COPG2: variants seen among roughly 807,000 people sequenced by gnomAD.
COPG2 encodes the protein coatomer subunit gamma-2.
In COPG2, 37 loss-of-function variants were observed where a neutral mutation model predicts 46.3. The observed-to-expected ratio is 0.80, with a 90% CI of 0.61 to 1.05. The LOEUF (loss-of-function observed/expected upper bound fraction) is 1.05. Ranked by LOEUF, COPG2 falls within the 50% of genes least tolerant of loss-of-function variation. The pLI is 0.00. For missense variants in COPG2, 427 were observed against 387.8 expected (o/e 1.10, Z -0.85); for synonymous variants, 159 against 129.7 (o/e 1.23, Z -1.53).
intron 9 of COPG2, among the ~76,000 whole-genome samples, chr7:130,580,042 A>G (rs1794101586): frequency 6.7e-6 from 1 of 150,214 alleles, no homozygotes; most frequent in Non-Finnish European, 1.5e-5. Context: ...CAGAATATAC[A>G]TTTTTTTCAG....
At chr7:130,607,717 T>G (rs150884896) in intron 9 of COPG2, 1 of 520,110 alleles carries the variant, frequency 1.9e-6, no homozygotes, top group Non-Finnish European at 3.8e-6. Context: ...TTTTCCAGGT[T>G]TTCCACTCTA....
chr7:130,634,941 G>A (rs1249381834), intron 5 of COPG2, among the ~76,000 whole-genome samples: 1 of 151,460 alleles, frequency 6.6e-6, no homozygotes, highest in African/African-American at 2.4e-5. Flanking sequence ...TTTTATCAAA[G>A]GCCTTTTCTG....
intron 5 of COPG2, among the ~76,000 whole-genome samples, chr7:130,638,762 C>A (rs1340838133): frequency 6.6e-6 from 1 of 151,642 alleles, no homozygotes; most frequent in Non-Finnish European, 1.5e-5. Context: ...GCATTCCAGG[C>A]GCCACTGAGG....
chr7:130,619,874 T>C (rs570289535), intron 5 of COPG2, among the ~76,000 whole-genome samples: 58 of 152,306 alleles, frequency 3.8e-4, no homozygotes, highest in African/African-American at 1.3e-3. Flanking sequence ...TCCCCATTCT[T>C]TTCTGACACT....
At chr7:130,515,493 C>T (rs916696821) in intron 20 of COPG2, among the ~76,000 whole-genome samples, 4 of 152,242 alleles carry the variant, frequency 2.6e-5, no homozygotes, top group Admixed American at 6.5e-5. Flanking sequence ...GATGACAGTT[C>T]GACATGAGAT....
In COPG2 at chr7:130,645,352, T is replaced by A; in HGVS notation, c.323+7517A>T. The A allele has an allele frequency of 5.3e-6, 3 of 563,962 alleles. No homozygotes were observed. In the Admixed American group the frequency reaches 5.7e-5, roughly 11 times the overall value. 34.9% of individuals were successfully genotyped at this position (563,962 alleles called of 1,614,324 possible). ...AGCACAGTTGCCTTCTACTACATTG[T>A]TAGATCTCAGGTATAGACATCTGCC... is the stretch of plus-strand genomic sequence containing the variant. On this transcript the variant is annotated intron_variant, in intron 5 of 23. Transcript: ENST00000425248.
chr7:130,526,287 C>G (rs1163758394), intron 20 of COPG2, among the ~76,000 whole-genome samples: 1 of 151,972 alleles, frequency 6.6e-6, no homozygotes, highest in African/African-American at 2.4e-5. Context: ...AAAGTTTGAG[C>G]GGTGAGGAGA....
At chr7:130,590,670 G>A (rs1299575793) in intron 9 of COPG2, among the ~76,000 whole-genome samples, 191 of 152,144 alleles carry the variant, frequency 1.3e-3, no homozygotes, top group East Asian at 6.4e-3. Context: ...CCTCTGCCCG[G>A]CCACCACCCC....
At chr7:130,560,148 A>G (rs2116400373) in intron 12 of COPG2, among the ~76,000 whole-genome samples, 1 of 152,312 alleles carries the variant, frequency 6.6e-6, no homozygotes, top group Non-Finnish European at 1.5e-5. Context: ...AGAACCAGTA[A>G]AAGTACTCAG....
intron 9 of COPG2, among the ~76,000 whole-genome samples, chr7:130,568,112 TA>T (rs1371650597): frequency 6.6e-6 from 1 of 152,034 alleles, no homozygotes; most frequent in African/African-American, 2.4e-5. Context: ...CTGTCTCTAC[TA>T]AAAATACAAA....
At chr7:130,543,782 G>A (rs1341292595) in intron 20 of COPG2, among the ~76,000 whole-genome samples, 1 of 152,190 alleles carries the variant, frequency 6.6e-6, no homozygotes, top group East Asian at 1.9e-4. Flanking sequence ...GTTGCATTCT[G>A]TAGAGATAGG....
chr7:130,573,105 T>C (rs1284894989), intron 9 of COPG2, among the ~76,000 whole-genome samples: 4 of 151,766 alleles, frequency 2.6e-5, no homozygotes, highest in South Asian at 2.1e-4. Flanking sequence ...TTAGATAACT[T>C]AGATGAAATG....
chr7:130,663,127 C>G, intron 3 of COPG2, 89 bp from the exon 4 acceptor site: 1 of 684,732 alleles, frequency 1.5e-6, no homozygotes, highest in Non-Finnish European at 2.3e-6. Context: ...TCTATTTCTG[C>G]AAAAATCCTT....
intron 5 of COPG2, among the ~76,000 whole-genome samples, chr7:130,622,720 C>T (rs1230247639): frequency 1.3e-5 from 2 of 152,172 alleles, no homozygotes; most frequent in African/African-American, 4.8e-5. Flanking sequence ...CACTGGCCAG[C>T]ACTTTACCTG....
At chr7:130,597,002 G>C (rs1339103350) in intron 9 of COPG2, among the ~76,000 whole-genome samples, 19 of 152,206 alleles carry the variant, frequency 1.2e-4, no homozygotes, top group Admixed American at 1.2e-3. Flanking sequence ...AGTAGCATAT[G>C]TATTAATACA....
At chr7:130,617,127 C>T (rs1366539359) in intron 5 of COPG2, 62 bp from the exon 6 acceptor site, 2 of 976,946 alleles carry the variant, frequency 2.0e-6, no homozygotes, top group South Asian at 1.5e-5. Flanking sequence ...GAGTTCACCC[C>T]TAGCCAATTT....
chr7:130,656,207 CT>C lies in COPG2; in HGVS notation c.244-3260del, dbSNP rs550285879. Among the ~76,000 whole-genome samples the C allele has an allele frequency of 8.5e-3, 1,249 of 146,666 alleles. 9 individuals carry two copies. Among genetic ancestry groups the C allele is most frequent in the Middle Eastern group, 0.036 (10 of 276 alleles). The stretch of plus-strand genomic sequence containing the variant: ...CCCTTCTTTTGGTTTGATTTTTTAG[CT>C]TTTTTTTTTCTTTTCGCACAATTAG... On this transcript the variant is annotated intron_variant, in intron 4 of 23. Coordinates refer to ENST00000425248, the MANE Select transcript of COPG2 (RefSeq NM_012133.6).
intron 12 of COPG2, among the ~76,000 whole-genome samples, chr7:130,557,817 C>CAAAAAAAAAAAAAAA (rs1382087826): frequency 8.2e-5 from 1 of 12,238 alleles, no homozygotes; most frequent in African/African-American, 4.2e-4. Context: ...AACTCCATCT[C>CAAAAAAAAAAAAAAA]AAAAAAAAAA....
At chr7:130,552,846 G>T (rs1793553949) in intron 14 of COPG2, among the ~76,000 whole-genome samples, 1 of 152,158 alleles carries the variant, frequency 6.6e-6, no homozygotes, top group Admixed American at 6.5e-5. Context: ...ATTGTGCTAG[G>T]TACTGGGACA....
Sources: gnomAD v4.1 joint callset for allele counts (sites outside exome capture counted in the v4.1 genomes callset) on GRCh38, gnomAD v4.1.1 for gene constraint, MANE v1.5 for transcripts, NCBI Gene and HGNC (gene_info 2026-07-23, HGNC 2026-07-21) for gene names.